Variants in PRR5L observed in about 807,000 individuals in gnomAD.
The protein encoded by PRR5L is proline-rich protein 5-like.
PRR5L carries 21 observed loss-of-function variants against 36.4 expected under a neutral mutation model. The ratio of observed to expected loss-of-function variants is 0.58; its 90% CI spans 0.41 to 0.83. PRR5L has a LOEUF of 0.83. PRR5L is among the 40% of genes least tolerant of loss of function. PRR5L has a pLI of 0.00. For synonymous variants in PRR5L, 188 were observed against 197.0 expected (o/e 0.95, Z 0.38); for missense variants, 381 against 473.3 (o/e 0.80, Z 1.81).
chr11:36,404,244 G>T (rs1277767118), intron 3 of PRR5L, among the ~76,000 whole-genome samples: 5 of 151,802 alleles, frequency 3.3e-5, no homozygotes, highest in Admixed American at 6.6e-5. Context: ...GATCTTCTAG[G>T]GACAGGAGAT....
rs140712251 is a variant in PRR5L, at chr11:36,339,780, G to T, written c.-126+43342G>T. On this transcript the variant is annotated intron_variant, in intron 1 of 8. Coordinates refer to ENST00000530639, the MANE Select transcript of PRR5L (RefSeq NM_001160167.2). ...TGGTCTCATAATTTAAAGATTTACTGCCTTTATTTAAAATATCCATCCACA... is the reference window on the plus strand; with the variant it reads ...TGGTCTCATAATTTAAAGATTTACTTCCTTTATTTAAAATATCCATCCACA... Among the ~76,000 whole-genome samples the T allele has an allele frequency of 2.9e-3, 437 of 152,308 alleles. 7 individuals carry two copies. Among genetic ancestry groups the T allele is most frequent in the African/African-American group, 9.8e-3 (409 of 41,566 alleles).
chr11:36,346,256 G>A (rs1361520497), intron 1 of PRR5L, among the ~76,000 whole-genome samples: 3 of 152,076 alleles, frequency 2.0e-5, no homozygotes, highest in South Asian at 2.1e-4. Context: ...ATTACAGTAT[G>A]AGCCACCGGC....
intron 6 of PRR5L, among the ~76,000 whole-genome samples, chr11:36,438,776 T>C (rs1858658184): frequency 6.6e-6 from 1 of 151,854 alleles, no homozygotes. Flanking sequence ...CCCATCTCTA[T>C]TAAAAAAAAC....
At chr11:36,383,554 C>G (rs769721151) in intron 1 of PRR5L, among the ~76,000 whole-genome samples, 30 of 152,112 alleles carry the variant, frequency 2.0e-4, no homozygotes, top group Non-Finnish European at 3.7e-4. Context: ...TGTAATAAAC[C>G]AAAAGGAGTC....
intron 1 of PRR5L, among the ~76,000 whole-genome samples, chr11:36,328,558 A>C (rs1346703538): frequency 6.6e-6 from 1 of 152,208 alleles, no homozygotes; most frequent in Non-Finnish European, 1.5e-5. Context: ...GAAGCTGAGC[A>C]GATGCCAACA....
intron 1 of PRR5L, among the ~76,000 whole-genome samples, chr11:36,383,095 T>C (rs893424753): frequency 3.3e-5 from 5 of 152,176 alleles, no homozygotes; most frequent in African/African-American, 1.2e-4. Context: ...CCAGAAACTC[T>C]CCACTTCTAA....
At chr11:36,438,615 T>C (rs1858655071) in intron 6 of PRR5L, among the ~76,000 whole-genome samples, 1 of 152,100 alleles carries the variant, frequency 6.6e-6, no homozygotes, top group African/African-American at 2.4e-5. Context: ...TCAGTAAGTC[T>C]TGTCTCAGGA....
intron 3 of PRR5L, among the ~76,000 whole-genome samples, chr11:36,408,063 C>T (rs996694709): frequency 3.9e-5 from 6 of 152,142 alleles, no homozygotes; most frequent in African/African-American, 7.2e-5. Context: ...CACCTGAGGT[C>T]AGGAGTTTGA....
At chr11:36,431,754 C>T in intron 4 of PRR5L, 99 bp from the exon 5 acceptor site, 1 of 1,119,362 alleles carries the variant, frequency 8.9e-7, no homozygotes, top group South Asian at 1.3e-5. Flanking sequence ...ACACAAGTGC[C>T]TAGAACTCTG....
intron 3 of PRR5L, among the ~76,000 whole-genome samples, chr11:36,404,502 G>A (rs534444999): frequency 3.9e-5 from 6 of 151,946 alleles, no homozygotes; most frequent in South Asian, 2.1e-4. Context: ...TCCTGACCTC[G>A]TGATCCACCC....
At position 36,437,510 on chromosome 11, in the gene PRR5L, T is replaced by C. The variant is rs774557486; in HGVS notation, c.444+34T>C. 11 of 1,336,804 alleles carry C rather than the reference T, an allele frequency of 8.2e-6. No individual in the cohort carries two copies. In the African/African-American group the frequency reaches 1.4e-4, roughly 18 times the overall value. 82.8% of individuals were successfully genotyped at this position (1,336,804 alleles called of 1,614,324 possible). ...CATTGGGGAACACTTCCTGCCATCC[T>C]CAGCGATCTGTCTTCTCTCCTGGCC... On this transcript the variant is annotated intron_variant, in intron 6 of 8. Transcript: ENST00000530639.
At chr11:36,431,738 G>A in intron 4 of PRR5L, 115 bp from the exon 5 acceptor site, 1 of 914,570 alleles carries the variant, frequency 1.1e-6, no homozygotes, top group Non-Finnish European at 1.7e-6. Flanking sequence ...CCGAGGCACG[G>A]CTAGAACACA....
intron 1 of PRR5L, among the ~76,000 whole-genome samples, chr11:36,384,217 T>C (rs59727918): frequency 0.036 from 5,542 of 152,296 alleles, 355 homozygotes; most frequent in African/African-American, 0.13. Context: ...TATTCTTTAG[T>C]GTTATGGGCA....
chr11:36,342,057 T>C (rs1856822444), intron 1 of PRR5L, among the ~76,000 whole-genome samples: 1 of 152,182 alleles, frequency 6.6e-6, no homozygotes, highest in South Asian at 2.1e-4. Context: ...AAAGTAGCCA[T>C]TGTTTCTGAA....
chr11:36,402,134 C>A (rs1857810692), intron 2 of PRR5L, among the ~76,000 whole-genome samples: 1 of 152,182 alleles, frequency 6.6e-6, no homozygotes, highest in Non-Finnish European at 1.5e-5. Flanking sequence ...GTCTTATATG[C>A]TTGTGGGCTA....
intron 1 of PRR5L, among the ~76,000 whole-genome samples, chr11:36,349,208 C>A (rs1026898021): frequency 6.7e-6 from 1 of 148,678 alleles, no homozygotes; most frequent in Non-Finnish European, 1.5e-5. Flanking sequence ...AGCTTGAACC[C>A]GCGAGGCGGA....
chr11:36,374,140 C>A (rs1565424912), intron 1 of PRR5L, among the ~76,000 whole-genome samples: 3 of 149,796 alleles, frequency 2.0e-5, no homozygotes, highest in African/African-American at 7.4e-5. Flanking sequence ...CTTTGTCTTG[C>A]TCTGTCTCCC....
chr11:36,343,366 T>A (rs1487708222), intron 1 of PRR5L, among the ~76,000 whole-genome samples: 3 of 152,228 alleles, frequency 2.0e-5, no homozygotes, highest in Non-Finnish European at 2.9e-5. Context: ...CCTTGACCTT[T>A]GTAAGTTCCT....
chr11:36,318,875 G>T (rs1856585949), intron 1 of PRR5L, among the ~76,000 whole-genome samples: 1 of 152,144 alleles, frequency 6.6e-6, no homozygotes, highest in South Asian at 2.1e-4. Flanking sequence ...AATGTCAGAG[G>T]CTTAAACATA....
Sources: gnomAD v4.1 joint callset for allele counts (sites outside exome capture counted in the v4.1 genomes callset) on GRCh38, gnomAD v4.1.1 for gene constraint, MANE v1.5 for transcripts, NCBI Gene and HGNC (gene_info 2026-07-23, HGNC 2026-07-21) for gene names.